ERCC1: variants seen among roughly 807,000 people sequenced by gnomAD.
ERCC1 encodes the protein DNA excision repair protein ERCC-1.
A neutral mutation model predicts 37.6 loss-of-function variants in ERCC1; 36 were observed. The ratio of observed to expected loss-of-function variants is 0.96; its 90% CI spans 0.73 to 1.26. The LOEUF is 1.26. ERCC1 is among the 50% of genes most tolerant of loss of function. The probability of loss-of-function intolerance (pLI) is 0.00; values close to 1 mark genes in which losing one functional copy is unlikely to be tolerated. For synonymous variants in ERCC1, 156 were observed against 162.1 expected (o/e 0.96, Z 0.28); for missense variants, 349 against 376.5 (o/e 0.93, Z 0.60).
Position 45,420,765 on chromosome 19 carries a change from A to T in ERCC1, c.322-338T>A, listed in dbSNP as rs1974367229. 6.6e-6 allele frequency among the ~76,000 whole-genome samples: 1 copy of T among 151,698 alleles called. No homozygotes were observed. Among genetic ancestry groups the T allele is most frequent in the African/African-American group, 2.4e-5 (1 of 41,286 alleles). On this transcript the variant is annotated intron_variant, in intron 3 of 9. Coordinates refer to ENST00000300853, the MANE Select transcript of ERCC1 (RefSeq NM_001983.4). This position sits in a 1 kb window ranked among gnomAD's most constrained non-coding sequence, Gnocchi z 4.8. The stretch of plus-strand genomic sequence containing the variant: ...GTCTGCGTGTCCTGTGGTCCTGAAC[A>T]CTTCCTGCCCTCACGCCCAGCAACT...
rs1974572668 is a variant in ERCC1 at position 45,423,538 on chromosome 19, C to G, written c.-7-157G>C. 9.7e-6 allele frequency: 14 copies of G among 1,446,272 alleles called. No individual in the cohort carries two copies. In the South Asian group the frequency reaches 2.0e-4, roughly 21 times the overall value. 89.6% of individuals were successfully genotyped at this position (1,446,272 alleles called of 1,614,324 possible). A position where few individuals can be genotyped will look rare whatever the true frequency, so the allele number is the denominator to read the frequency against. On this transcript the variant is annotated intron_variant, in intron 1 of 9. Transcript: ENST00000300853. ...GCGCTAGAGGCTCTGTAACGCCACG[C>G]CCCTTTGACCTCCACCTTCGGCTCG...
chr19:45,439,692 A>G (rs1975068043), intron 1 of ERCC1, among the ~76,000 whole-genome samples: 1 of 151,874 alleles, frequency 6.6e-6, no homozygotes, highest in African/African-American at 2.4e-5. Flanking sequence ...ACGCGTCCCG[A>G]CGCCCCTGGA....
intron 1 of ERCC1, among the ~76,000 whole-genome samples, chr19:45,436,365 G>A (rs1974976491): frequency 6.6e-6 from 1 of 152,156 alleles, no homozygotes; most frequent in East Asian, 1.9e-4. Context: ...CGTGGCTCAC[G>A]CCTGTAATCC....
At chr19:45,448,719 CAG>C (rs1482342634) in intron 1 of ERCC1, among the ~76,000 whole-genome samples, 1 of 151,894 alleles carries the variant, frequency 6.6e-6, no homozygotes, top group Non-Finnish European at 1.5e-5. Flanking sequence ...AAAAAAAATG[CAG>C]AGAGAGATAA....
At chr19:45,445,569 G>T (rs1361255774) in intron 1 of ERCC1, among the ~76,000 whole-genome samples, 2 of 152,224 alleles carry the variant, frequency 1.3e-5, no homozygotes, top group Non-Finnish European at 2.9e-5. Flanking sequence ...GGTCAGGGAA[G>T]GCCTAAATGA....
intron 1 of ERCC1, among the ~76,000 whole-genome samples, chr19:45,435,349 G>T (rs1302142809): frequency 6.6e-6 from 1 of 152,172 alleles, no homozygotes; most frequent in African/African-American, 2.4e-5. Context: ...AGAAACTGAG[G>T]CACAGGGAAG....
At chr19:45,427,118 G>A (rs1185394766), upstream of ERCC1, among the ~76,000 whole-genome samples, 1 of 151,748 alleles carries the variant, frequency 6.6e-6, no homozygotes, top group East Asian at 1.9e-4. Flanking sequence ...GACAGAGTGA[G>A]ACCAAAAACA....
intron 1 of ERCC1, among the ~76,000 whole-genome samples, chr19:45,432,846 C>G (rs1017158399): frequency 1.3e-5 from 2 of 152,288 alleles, no homozygotes; most frequent in African/African-American, 2.4e-5. Flanking sequence ...GTGGGCGGAT[C>G]ACGTGAGGTT....
At chr19:45,443,371 G>C (rs1489736195) in intron 1 of ERCC1, among the ~76,000 whole-genome samples, 1 of 152,200 alleles carries the variant, frequency 6.6e-6, no homozygotes, top group Non-Finnish European at 1.5e-5. Context: ...GGTCAGCACC[G>C]TCTGGGACTC....
chr19:45,408,519 C>T lies in ERCC1; in HGVS notation c.*1156G>A. 4 of 1,614,000 alleles carry T rather than the reference C, an allele frequency of 2.5e-6. No individual in the cohort carries two copies. Among genetic ancestry groups the T allele is most frequent in the Non-Finnish European group, 3.4e-6 (4 of 1,179,990 alleles). On this transcript the variant is annotated 3_prime_UTR_variant, in exon 10 of 10. Coordinates refer to ENST00000300853, the MANE Select transcript of ERCC1 (RefSeq NM_001983.4). ...AAAAAGGAGATGCAGGTGACAGAGG[C>T]CCCAGTCACTCAGGAGGCAGTGAAT... is the stretch of plus-strand genomic sequence containing the variant.
intron 9 of ERCC1, among the ~76,000 whole-genome samples, chr19:45,412,168 T>G (rs969158502): frequency 6.6e-5 from 10 of 151,024 alleles, no homozygotes; most frequent in African/African-American, 2.4e-4. Context: ...CTATTTTTGG[T>G]TTTTTTTGAG....
chr19:45,438,553 C>T (rs1433761620), intron 1 of ERCC1, among the ~76,000 whole-genome samples: 2 of 152,162 alleles, frequency 1.3e-5, no homozygotes, highest in African/African-American at 2.4e-5. Flanking sequence ...CTTTGCCTCC[C>T]ATGCTCCTGT....
rs1374841687 is a variant in ERCC1, at chr19:45,408,437, C to T, written c.*1238G>A. ...GTTCTGTGCCTTTGGGGGCAACCCA[C>T]CAGTCACAGGGCCTAGGTCAGCCTT... On this transcript the variant is annotated 3_prime_UTR_variant, in exon 10 of 10. Coordinates refer to ENST00000300853, the MANE Select transcript of ERCC1 (RefSeq NM_001983.4). 1.2e-6 allele frequency: 2 copies of T among 1,613,814 alleles called. No individual in the cohort carries two copies. The highest frequency in any genetic ancestry group is 2.2e-5 in the South Asian group (2 of 91,080).
intron 8 of ERCC1, 40 bp from the exon 9 acceptor site, chr19:45,413,785 A>G: frequency 6.2e-7 from 1 of 1,611,366 alleles, no homozygotes; most frequent in Non-Finnish European, 8.5e-7. Context: ...GTTGAGCACA[A>G]AAGCCTCCCC....
Position 45,414,924 on chromosome 19 carries a change from C to T in ERCC1, c.639G>A (p.Lys213=), listed in dbSNP as rs1332396530. Residue 213 remains lysine (K), a synonymous_variant, in exon 7 of 10, where the codon AAG becomes AAA. Transcript: ENST00000300853. The part of the protein sequence containing the change: ...EEAGRYLETY[K]AYEQKPADLL... ...GGTCCGCTGGTTTCTGCTCATAGGC[C>T]TTGTAGGTCTCCAGGTACCGCCCAG... is the stretch of plus-strand genomic sequence containing the variant. The T allele has an allele frequency of 1.2e-5, 20 of 1,613,800 alleles. No homozygotes were observed. The highest frequency in any genetic ancestry group is 1.7e-5 in the Non-Finnish European group (20 of 1,179,904).
At chr19:45,450,656 C>T (rs535190982) in intron 1 of ERCC1, 2 of 152,676 alleles carry the variant, frequency 1.3e-5, no homozygotes, top group East Asian at 3.9e-4. Context: ...ATCCCAACTA[C>T]TGTGGAGGCT....
rs1973472899 is a variant in ERCC1 at position 45,408,311 on chromosome 19, C to A, written c.*1364G>T. ...CTGTGCCTCAGCCCCCCAGGGCACC[C>A]TAAGGATCCTTGAGGGTCCCCAGCA... On this transcript the variant is annotated 3_prime_UTR_variant, in exon 10 of 10. Coordinates refer to ENST00000300853, the MANE Select transcript of ERCC1 (RefSeq NM_001983.4). 4 of 1,611,830 alleles carry A rather than the reference C, an allele frequency of 2.5e-6. No homozygotes were observed. The highest frequency in any genetic ancestry group is 3.4e-6 in the Non-Finnish European group (4 of 1,178,644).
Position 45,409,702 on chromosome 19 carries a change from C to T in ERCC1, c.867G>A (p.Leu289=). The change falls in exon 10 of 10, where the codon CTG becomes CTA. Residue 289 remains leucine, a synonymous_variant. Transcript: ENST00000300853. ...AGGGTACTTTCAAGAAGGGCTCGTG[C>T]AGGACATCAAACAGCCTCCGGGCCT... ...PQKARRLFDV[L]HEPFLKVP is the part of the protein sequence containing the mutation. 1 of 945,438 alleles carries T rather than the reference C, an allele frequency of 1.1e-6. No individual in the cohort carries two copies. The highest frequency in any genetic ancestry group is 1.8e-6 in the Non-Finnish European group (1 of 569,532). 58.6% of individuals were successfully genotyped at this position (945,438 alleles called of 1,614,324 possible). A position where few individuals can be genotyped will look rare whatever the true frequency, so the allele number is the denominator to read the frequency against.
At chr19:45,422,392 G>A (rs1974489839) in intron 2 of ERCC1, among the ~76,000 whole-genome samples, 1 of 152,006 alleles carries the variant, frequency 6.6e-6, no homozygotes, top group Non-Finnish European at 1.5e-5. Context: ...TACCCCAGAT[G>A]TCGCCATGGC....
Sources: gnomAD v4.1 joint callset for allele counts (sites outside exome capture counted in the v4.1 genomes callset) on GRCh38, gnomAD v4.1.1 for gene constraint, Gnocchi (gnomAD v3.1) non-coding constraint, MANE v1.5 for transcripts, NCBI Gene and HGNC (gene_info 2026-07-23, HGNC 2026-07-21) for gene names.